The following CWC15 variants were observed in gnomAD, a reference collection of about 807,000 sequenced individuals.
CWC15 encodes the protein CWC15 spliceosome associated protein.
CWC15 carries 12 observed loss-of-function variants against 28.4 expected under a neutral mutation model. The observed-to-expected ratio is 0.42, with a 90% CI of 0.27 to 0.69. The LOEUF (loss-of-function observed/expected upper bound fraction) is 0.69, where lower values mean the gene tolerates loss of function less well. CWC15 is among the 30% of genes least tolerant of loss of function. The pLI, the probability that CWC15 is intolerant of heterozygous loss-of-function variation, is 0.23. For missense variants in CWC15, 192 were observed against 271.5 expected, an observed-to-expected ratio of 0.71 and a Z score of 2.06; for synonymous variants, 92 against 88.4, an observed-to-expected ratio of 1.04 and a Z score of -0.23.
chr11:94,971,211 T>G, intron 3 of CWC15, 146 bp from the exon 4 acceptor site: 3 of 957,128 alleles, frequency 3.1e-6, no homozygotes, highest in Non-Finnish European at 4.9e-6. Context: ...AAATAAGCCT[T>G]TGGTAAATAT....
chr11:94,967,858 T>C (rs1381518025), intron 5 of CWC15, among the ~76,000 whole-genome samples: 2 of 152,182 alleles, frequency 1.3e-5, no homozygotes, highest in Admixed American at 6.5e-5. Flanking sequence ...ATTATACCGA[T>C]GCTTAAAGGG....
At chr11:94,968,426 A>C (rs1363627972) in intron 5 of CWC15, among the ~76,000 whole-genome samples, 1 of 152,232 alleles carries the variant, frequency 6.6e-6, no homozygotes, top group Non-Finnish European at 1.5e-5. Context: ...CAGATATTAG[A>C]TGAAACTCAC....
chr11:94,966,204 T>A, intron 6 of CWC15, 91 bp downstream of exon 6: 2 of 707,068 alleles, frequency 2.8e-6, no homozygotes. Context: ...TCTGCATGCC[T>A]GTGTGTATAC....
chr11:94,963,374 A>G lies in CWC15; in HGVS notation c.*11T>C, dbSNP rs373557560. 56 of 1,563,166 alleles carry G rather than the reference A, an allele frequency of 3.6e-5. No individual in the cohort carries two copies. The highest frequency in any genetic ancestry group is 4.3e-5 in the Non-Finnish European group (49 of 1,152,408). ...CGTTTTACAGTCTTTAATTAAGCACATAAAACTGTACTATTTAATATATTT... is the reference window on the plus strand; with the variant it reads ...CGTTTTACAGTCTTTAATTAAGCACGTAAAACTGTACTATTTAATATATTT... On this transcript the variant is annotated 3_prime_UTR_variant, in exon 7 of 7. Transcript: ENST00000279839.
intron 6 of CWC15, 41 bp downstream of exon 6, chr11:94,966,226 TACACACACACACACACACACACACACAC>T (rs58215154): frequency 2.8e-5 from 19 of 670,734 alleles, no homozygotes; most frequent in African/African-American, 5.8e-5. Flanking sequence ...CATACACATA[TACACACACACACACACACACACACACAC>T]ACACACACAC....
chr11:94,970,854 T>C, intron 4 of CWC15, 123 bp downstream of exon 4: 1 of 815,092 alleles, frequency 1.2e-6, no homozygotes, highest in Non-Finnish European at 2.1e-6. Context: ...AGGTCAGGGC[T>C]ATATTTGAAT....
At chr11:94,971,697 C>T (rs993064506) in intron 2 of CWC15, among the ~76,000 whole-genome samples, 9 of 152,226 alleles carry the variant, frequency 5.9e-5, no homozygotes, top group Non-Finnish European at 1.2e-4. Flanking sequence ...AATTCAATCA[C>T]ATATTTTCCT....
chr11:94,964,637 C>T lies in CWC15; in HGVS notation c.561-1123G>A, dbSNP rs587630712. ...GCTCTTTCCTGACATTAGTATTTGT[C>T]CTCGATGATCACTCCTCTCCTCCTG... On this transcript the variant is annotated intron_variant, in intron 6 of 6. Coordinates refer to ENST00000279839, the MANE Select transcript of CWC15 (RefSeq NM_016403.4). 1.4e-3 allele frequency among the ~76,000 whole-genome samples: 208 copies of T among 152,288 alleles called. 1 individual carries two copies. The highest frequency in any genetic ancestry group is 2.0e-3 in the Non-Finnish European group (134 of 68,026).
At position 94,967,048 on chromosome 11, in the gene CWC15, T is replaced by C. The variant is rs932645225; in HGVS notation, c.442-635A>G. Among the ~76,000 whole-genome samples, 88 of 13,968 alleles carry C rather than the reference T, an allele frequency of 6.3e-3. No homozygotes were observed. The Admixed American group carries it at 0.071, about 11-fold the overall frequency. The allele number at this position is 13,968 out of a possible 152,430, so 9.2% of individuals were successfully genotyped here. A position where few individuals can be genotyped will look rare whatever the true frequency, so the allele number is the denominator to read the frequency against. ...TTTGTTTTTATTGTCTTACTGAGTT[T>C]TTCTTTTTTTTTTTTTTGAGACGGA... On this transcript the variant is annotated intron_variant, in intron 5 of 6. Coordinates refer to ENST00000279839, the MANE Select transcript of CWC15 (RefSeq NM_016403.4).
At position 94,971,473 on chromosome 11, in the gene CWC15, T is replaced by C. The variant is rs1857719892; in HGVS notation, c.146A>G (p.Asp49Gly). The C allele has an allele frequency of 6.2e-7, 1 of 1,606,152 alleles. No individual in the cohort carries two copies. Among genetic ancestry groups the C allele is most frequent in the East Asian group, 2.2e-5 (1 of 44,840 alleles). ...TKIKYRQTTQ[D>G]APEEVRNRDF... ...ACGGTTACGAACCTCTTCAGGGGCA[T>C]CCTGAGTAGTCTGTCTAAAGTAGAA... Residue 49 changes from aspartate to glycine, a missense_variant, in exon 3 of 7, where the codon GAT becomes GGT. Transcript: ENST00000279839.
intron 6 of CWC15, among the ~76,000 whole-genome samples, chr11:94,965,940 G>C (rs1252449572): frequency 6.6e-6 from 1 of 152,120 alleles, no homozygotes; most frequent in Non-Finnish European, 1.5e-5. Flanking sequence ...GTGAGTGTCT[G>C]AATGTGAGAG....
intron 6 of CWC15, among the ~76,000 whole-genome samples, chr11:94,964,907 G>C (rs1253469276): frequency 6.6e-6 from 1 of 152,214 alleles, no homozygotes; most frequent in Non-Finnish European, 1.5e-5. Flanking sequence ...ACTTCATCCT[G>C]TCTTATGGCT....
rs1555096212 is a variant in CWC15 at position 94,971,418 on chromosome 11, C to T, written c.201G>A (p.Glu67=). 11 of 1,613,154 alleles carry T rather than the reference C, an allele frequency of 6.8e-6. No individual in the cohort carries two copies. Among genetic ancestry groups the T allele is most frequent in the Non-Finnish European group, 9.3e-6 (11 of 1,179,536 alleles). ...TATTTTTCTCTCTTGCAGCAGCTCT[C>T]TCTCTTTCTTCCAACTCTCTCCTGA... ...RDFRRELEER[E]RAAAREKNRD... Residue 67 remains glutamate, a synonymous_variant, in exon 3 of 7, where the codon GAG becomes GAA. Coordinates refer to ENST00000279839, the MANE Select transcript of CWC15 (RefSeq NM_016403.4).
At chr11:94,969,561 G>T (rs1056856825) in intron 5 of CWC15, among the ~76,000 whole-genome samples, 5 of 151,386 alleles carry the variant, frequency 3.3e-5, no homozygotes, top group South Asian at 2.1e-4. Flanking sequence ...AGACTGTGGG[G>T]GCTCAGAGAA....
Position 94,971,519 on chromosome 11 carries a change from T to C in CWC15, c.132-32A>G, listed in dbSNP as rs781990405. On this transcript the variant is annotated intron_variant, in intron 2 of 6. Coordinates refer to ENST00000279839, the MANE Select transcript of CWC15 (RefSeq NM_016403.4). ...TAGAAACAAACCAGGGCAAAAATGT[T>C]ACTTAAACACACACACACACACACA... 4 of 1,253,242 alleles carry C rather than the reference T, an allele frequency of 3.2e-6. No individual in the cohort carries two copies. The South Asian group carries it at 5.1e-5, about 16-fold the overall frequency. The allele number at this position is 1,253,242 out of a possible 1,614,324, so 77.6% of individuals were successfully genotyped here.
Position 94,963,310 on chromosome 11 carries a change from A to AG in CWC15, c.*74_*75insC. 1 of 1,117,634 alleles carries AG rather than the reference A, an allele frequency of 8.9e-7. No homozygotes were observed. Among genetic ancestry groups the AG allele is most frequent in the Non-Finnish European group, 1.1e-6 (1 of 872,232 alleles). The allele number at this position is 1,117,634 out of a possible 1,614,324, so 69.2% of individuals were successfully genotyped here. A position where few individuals can be genotyped will look rare whatever the true frequency, so the allele number is the denominator to read the frequency against. Reference sequence around the variant, plus strand: ...ACACACAATTTAGACAGGGGAAAAGAAAAAAAAAACTCATAAAAAAAGTCA... The same window carrying AG: ...ACACACAATTTAGACAGGGGAAAAGAGAAAAAAAAACTCATAAAAAAAGTCA... On this transcript the variant is annotated 3_prime_UTR_variant, in exon 7 of 7. Transcript: ENST00000279839.
chr11:94,970,778 AC>A lies in CWC15; in HGVS notation c.333+198del, dbSNP rs782594510. The A allele has an allele frequency of 1.5e-3, 864 of 567,914 alleles. 3 individuals carry two copies. Among genetic ancestry groups the A allele is most frequent in the Non-Finnish European group, 2.4e-3 (761 of 319,522 alleles). The allele number at this position is 567,914 out of a possible 1,614,324, so 35.2% of individuals were successfully genotyped here. ...CCATATTTGGTTCTCTAGAGATCAAACTTGTTCTTAAAGTCCCACAAAATAA... is the reference window on the plus strand; with the variant it reads ...CCATATTTGGTTCTCTAGAGATCAAATTGTTCTTAAAGTCCCACAAAATAA... On this transcript the variant is annotated intron_variant, in intron 4 of 6. Transcript: ENST00000279839.
chr11:94,966,192 A>T, intron 6 of CWC15, 103 bp downstream of exon 6: 1 of 676,492 alleles, frequency 1.5e-6, no homozygotes, highest in Non-Finnish European at 2.4e-6. Context: ...TCCAACTTAT[A>T]ATCTGCATGC....
At chr11:94,970,833 G>C in intron 4 of CWC15, 144 bp downstream of exon 4, 1 of 694,618 alleles carries the variant, frequency 1.4e-6, no homozygotes, top group Non-Finnish European at 2.5e-6. Flanking sequence ...CAACTATAAA[G>C]TTTAGCACTG....
Sources: gnomAD v4.1 joint callset for allele counts (sites outside exome capture counted in the v4.1 genomes callset) on GRCh38, gnomAD v4.1.1 for gene constraint, MANE v1.5 for transcripts, NCBI Gene and HGNC (gene_info 2026-07-23, HGNC 2026-07-21) for gene names.